CDK5RAP1: variants seen among roughly 807,000 people sequenced by gnomAD.
CDK5RAP1 encodes CDK5RAP1 mitochondrial tRNA methylthiotransferase.
In CDK5RAP1, 62 loss-of-function variants were observed where a neutral mutation model predicts 64.5. That is an observed-to-expected ratio of 0.96 (90% CI 0.78 to 1.19). The LOEUF is 1.19. CDK5RAP1 is among the 50% of genes most tolerant of loss of function. The probability of loss-of-function intolerance (pLI) is 0.00; values close to 1 mark genes in which losing one functional copy is unlikely to be tolerated. For missense variants in CDK5RAP1, 657 were observed against 735.0 expected (o/e 0.89, Z 1.23); for synonymous variants, 250 against 261.9 (o/e 0.95, Z 0.44).
At chr20:33,382,179 C>G (rs1986838858) in intron 7 of CDK5RAP1, among the ~76,000 whole-genome samples, 1 of 152,056 alleles carries the variant, frequency 6.6e-6, no homozygotes, top group South Asian at 2.1e-4. Flanking sequence ...TTGCAACTTT[C>G]CTGTAAATGT....
intron 10 of CDK5RAP1, among the ~76,000 whole-genome samples, 177 bp downstream of exon 10, chr20:33,372,465 C>T (rs896290939): frequency 2.0e-5 from 3 of 151,568 alleles, no homozygotes; most frequent in African/African-American, 4.9e-5. Context: ...ACTAAGACAA[C>T]AAAAAATCAG....
chr20:33,388,441 T>C (rs1481276499), intron 5 of CDK5RAP1, among the ~76,000 whole-genome samples: 1 of 152,044 alleles, frequency 6.6e-6, no homozygotes, highest in Non-Finnish European at 1.5e-5. Context: ...GCAACCCAAG[T>C]GTCTATTAAT....
chr20:33,365,597 TAAA>T (rs11471267), intron 12 of CDK5RAP1, among the ~76,000 whole-genome samples: 1,455 of 78,358 alleles, frequency 0.019, 26 homozygotes, highest in African/African-American at 0.055. Flanking sequence ...CTCTATAATG[TAAA>T]AAAAAAAAAA....
chr20:33,401,319 C>A lies in CDK5RAP1; in HGVS notation c.-21+109G>T, dbSNP rs370931713. The A allele has an allele frequency of 1.2e-3, 974 of 824,328 alleles. 27 individuals carry two copies. The South Asian group carries it at 0.048, about 40-fold the overall frequency. The allele number at this position is 824,328 out of a possible 1,614,324, so 51.1% of individuals were successfully genotyped here. On this transcript the variant is annotated intron_variant, in intron 1 of 13. Coordinates refer to ENST00000346416, the MANE Select transcript of CDK5RAP1 (RefSeq NM_016408.4). ...CAGGCCCCACGCCATAACCACCGTGCCATCCTCCCTCTTGAACACCGTGCG... is the reference window on the plus strand; with the variant it reads ...CAGGCCCCACGCCATAACCACCGTGACATCCTCCCTCTTGAACACCGTGCG...
At chr20:33,365,530 C>A (rs931369978) in intron 12 of CDK5RAP1, among the ~76,000 whole-genome samples, 1 of 151,368 alleles carries the variant, frequency 6.6e-6, no homozygotes, top group Admixed American at 6.6e-5. Flanking sequence ...CCTCGGCCCC[C>A]CAAAGTGCTG....
rs1010025631 is a variant in CDK5RAP1 at position 33,392,168 on chromosome 20, C to T, written c.518G>A (p.Arg173Gln). The part of the protein sequence containing the change: ...KALKTRRPRS[R>Q]VPLRIGILGC... ...TAGAATTCCAATCCTCAGAGGAACCCGGGAGCGGGGCCGCCTTGTCTTCAA... is the reference window on the plus strand; with the variant it reads ...TAGAATTCCAATCCTCAGAGGAACCTGGGAGCGGGGCCGCCTTGTCTTCAA... Residue 173 changes from arginine (R) to glutamine (Q), a missense_variant, in exon 5 of 14, where the codon CGG becomes CAG. Arg to Gln is a conservative substitution (Grantham distance 43). Transcript: ENST00000346416. The T allele has an allele frequency of 3.1e-6, 5 of 1,612,868 alleles. No individual in the cohort carries two copies. Among genetic ancestry groups the T allele is most frequent in the African/African-American group, 1.3e-5 (1 of 74,996 alleles).
At chr20:33,396,685 A>G in intron 2 of CDK5RAP1, 76 bp downstream of exon 2, 1 of 1,102,504 alleles carries the variant, frequency 9.1e-7, no homozygotes, top group South Asian at 1.4e-5. Context: ...CCAGTTCTGT[A>G]ATAAAAGAAT....
intron 1 of CDK5RAP1, among the ~76,000 whole-genome samples, chr20:33,400,029 G>A (rs1989256573): frequency 6.7e-6 from 1 of 149,894 alleles, no homozygotes; most frequent in Non-Finnish European, 1.5e-5. Flanking sequence ...GGGCAACAGA[G>A]AGAGAGAGAA....
chr20:33,375,896 C>CT (rs1985919359), intron 8 of CDK5RAP1, among the ~76,000 whole-genome samples: 1 of 152,146 alleles, frequency 6.6e-6, no homozygotes, highest in Admixed American at 6.5e-5. Flanking sequence ...GGGTTTCACT[C>CT]TATCACCCTC....
rs1987337347 is a variant in CDK5RAP1 at position 33,385,693 on chromosome 20, G to A, written c.833C>T (p.Pro278Leu). ...PFTRGRERSR[P>L]IASILEEVKK... ...CACTTCCTCTAGAATGGAGGCAATAGGCCGACTCCTCTCCCTGCCCCGGGT... is the reference window on the plus strand; with the variant it reads ...CACTTCCTCTAGAATGGAGGCAATAAGCCGACTCCTCTCCCTGCCCCGGGT... Residue 278 changes from proline (P) to leucine (L), a missense_variant, in exon 7 of 14, where the codon CCT becomes CTT. Pro to Leu is a moderately conservative substitution (Grantham distance 98, BLOSUM62 -3). Transcript: ENST00000346416. 1.2e-6 allele frequency: 2 copies of A among 1,614,148 alleles called. No homozygotes were observed. Among genetic ancestry groups the A allele is most frequent in the Non-Finnish European group, 1.7e-6 (2 of 1,180,000 alleles).
At chr20:33,396,732 C>A (rs1308954309) in intron 2 of CDK5RAP1, 29 bp downstream of exon 2, 7 of 1,543,262 alleles carry the variant, frequency 4.5e-6, no homozygotes, top group Non-Finnish European at 5.3e-6. Context: ...AGGCAGGAAG[C>A]CCAAAGGGAT....
intron 12 of CDK5RAP1, among the ~76,000 whole-genome samples, chr20:33,364,474 A>G (rs1261244018): frequency 1.3e-5 from 2 of 152,096 alleles, no homozygotes; most frequent in Non-Finnish European, 2.9e-5. Context: ...GACGTGAGCC[A>G]CCGCGCCTGG....
chr20:33,360,158 T>C (rs1459602528), intron 13 of CDK5RAP1, 193 bp downstream of exon 13: 10 of 579,934 alleles, frequency 1.7e-5, no homozygotes, highest in African/African-American at 1.9e-5. Context: ...GGCAGGAGAA[T>C]AGGTAAGAAG....
intron 1 of CDK5RAP1, 44 bp from the exon 2 acceptor site, chr20:33,397,128 T>C: frequency 4.2e-6 from 6 of 1,431,426 alleles, no homozygotes; most frequent in South Asian, 2.6e-5. Flanking sequence ...TTGAACACTA[T>C]GGACAGGACA....
rs1987531928 is a variant in CDK5RAP1 at position 33,387,119 on chromosome 20, T to A, written c.755+204A>T. Among the ~76,000 whole-genome samples the A allele has an allele frequency of 2.6e-5, 4 of 151,602 alleles. No homozygotes were observed. In the South Asian group the frequency reaches 8.3e-4, roughly 32 times the overall value. ...TCTCTGTAAAAATTCAAAAAAAAAT[T>A]AGCCAGGTGTGGGGGTGCACACCTG... On this transcript the variant is annotated intron_variant, in intron 6 of 13. Coordinates refer to ENST00000346416, the MANE Select transcript of CDK5RAP1 (RefSeq NM_016408.4).
chr20:33,391,601 C>G (rs1473252018), intron 5 of CDK5RAP1, among the ~76,000 whole-genome samples: 1 of 152,110 alleles, frequency 6.6e-6, no homozygotes, highest in Non-Finnish European at 1.5e-5. Flanking sequence ...GCAGGCGGAT[C>G]ACCCGAGGTC....
chr20:33,359,070 A>T lies in CDK5RAP1; in HGVS notation c.1737T>A (p.Thr579=). ...TLRGHVLCRT[T]LRDSSAYC is the part of the protein sequence containing the mutation. ...AGCAATATGCAGAAGAGTCCCTCAGAGTGGTCCTGCAGAGAACATGTCCCC... is the reference window on the plus strand; with the variant it reads ...AGCAATATGCAGAAGAGTCCCTCAGTGTGGTCCTGCAGAGAACATGTCCCC... Residue 579 remains threonine (T), a synonymous_variant, in exon 14 of 14, where the codon ACT becomes ACA. Transcript: ENST00000346416. The T allele has an allele frequency of 1.9e-6, 3 of 1,613,814 alleles. No individual in the cohort carries two copies. The highest frequency in any genetic ancestry group is 2.5e-6 in the Non-Finnish European group (3 of 1,179,754).
At chr20:33,369,257 G>A (rs1369159942) in intron 11 of CDK5RAP1, among the ~76,000 whole-genome samples, 1 of 152,154 alleles carries the variant, frequency 6.6e-6, no homozygotes, top group Non-Finnish European at 1.5e-5. Context: ...GCCGAGGCGG[G>A]CAGATCACGA....
At chr20:33,401,534 C>A (rs1472665470), upstream of CDK5RAP1, 7 of 985,346 alleles carry the variant, frequency 7.1e-6, no homozygotes, top group Non-Finnish European at 8.4e-6. Context: ...GACTTCCGTT[C>A]CGCCGCTACT....
Sources: gnomAD v4.1 joint callset for allele counts (sites outside exome capture counted in the v4.1 genomes callset) on GRCh38, gnomAD v4.1.1 for gene constraint, MANE v1.5 for transcripts, NCBI Gene and HGNC (gene_info 2026-07-23, HGNC 2026-07-21) for gene names.